The following NHS variants were observed in gnomAD, a reference collection of about 807,000 sequenced individuals.
NHS encodes NHS actin remodeling regulator.
A neutral mutation model predicts 72.5 loss-of-function variants in NHS; 5 were observed. The ratio of observed to expected loss-of-function variants is 0.07; its 90% CI spans 0.04 to 0.14. NHS has a LOEUF of 0.14. NHS is among the 10% of genes least tolerant of loss of function. NHS has a pLI of 1.00. For synonymous variants in NHS, 464 were observed against 547.7 expected (o/e 0.85, Z 2.13); for missense variants, 1,072 against 1,355.7 (o/e 0.79, Z 3.29).
chrX:17,609,478 T>C (rs1392653436), intron 1 of NHS, among the ~76,000 whole-genome samples: 1 of 111,590 alleles, frequency 9.0e-6, no homozygotes, highest in African/African-American at 3.3e-5. Flanking sequence ...GTGGTGGTGG[T>C]GGTTAGGGTA....
At position 17,676,393 on chromosome X, in the gene NHS, G is replaced by A. The variant is rs182228298; in HGVS notation, c.566-11349G>A. On this transcript the variant is annotated intron_variant, in intron 1 of 8. Transcript: ENST00000676302. ...CTCCTTTCTTCTCTATTTTTCCCAT[G>A]GAGAGAGCCTGCTCTCAAGAAACTA... Among the ~76,000 whole-genome samples the A allele has an allele frequency of 3.1e-4, 35 of 111,680 alleles. 1 individual carries two copies. The South Asian group carries it at 8.3e-3, about 26-fold the overall frequency.
At chrX:17,579,007 G>GA (rs769113143) in intron 1 of NHS, among the ~76,000 whole-genome samples, 147 of 111,800 alleles carry the variant, frequency 1.3e-3, no homozygotes, top group Non-Finnish European at 2.1e-3. Context: ...TGTTGTAGTG[G>GA]AAAATCAAGT....
At chrX:17,701,808 A>C (rs1207817098) in intron 3 of NHS, among the ~76,000 whole-genome samples, 1 of 111,188 alleles carries the variant, frequency 9.0e-6, no homozygotes, top group East Asian at 2.8e-4. Context: ...AGAGAGTCTC[A>C]GGTTATGCTC....
intron 1 of NHS, among the ~76,000 whole-genome samples, chrX:17,461,131 A>C (rs140385808): frequency 0.014 from 1,621 of 112,386 alleles, 9 homozygotes; most frequent in Non-Finnish European, 0.02. Flanking sequence ...TATTTGGTAG[A>C]GAAGACTCAG....
At chrX:17,542,689 CAG>C (rs746365760) in intron 1 of NHS, among the ~76,000 whole-genome samples, 407 of 103,609 alleles carry the variant, frequency 3.9e-3, no homozygotes, top group Middle Eastern at 4.8e-3. Context: ...GTCCTGAATC[CAG>C]AGAGAGAGAG....
chrX:17,533,227 C>T (rs972992292), intron 1 of NHS, among the ~76,000 whole-genome samples: 1 of 112,148 alleles, frequency 8.9e-6, no homozygotes, highest in Non-Finnish European at 1.9e-5. Flanking sequence ...GTGTGTGAGT[C>T]TGTGTGCTTA....
chrX:17,394,178 T>C lies in NHS; in HGVS notation c.565+17856T>C, dbSNP rs112051432. ...GACCGAAGGCTGCCTTGTGTTTTGATTGAACGTTTAGTTCACTTTGGGCTT... is the reference window on the plus strand; with the variant it reads ...GACCGAAGGCTGCCTTGTGTTTTGACTGAACGTTTAGTTCACTTTGGGCTT... On this transcript the variant is annotated intron_variant, in intron 1 of 8. Coordinates refer to ENST00000676302, the MANE Select transcript of NHS (RefSeq NM_001291867.2). Among the ~76,000 whole-genome samples, 13 of 111,716 alleles carry C rather than the reference T, an allele frequency of 1.2e-4. 1 individual carries two copies. Among genetic ancestry groups the C allele is most frequent in the Non-Finnish European group, 1.1e-4 (6 of 53,143 alleles).
intron 1 of NHS, among the ~76,000 whole-genome samples, chrX:17,659,988 T>C (rs1800769442): frequency 1.8e-5 from 2 of 112,164 alleles, no homozygotes. Flanking sequence ...AGACTCCTTC[T>C]CCAGCCCTTT....
At chrX:17,383,568 C>T (rs1046071947) in intron 1 of NHS, among the ~76,000 whole-genome samples, 1 of 112,188 alleles carries the variant, frequency 8.9e-6, no homozygotes, top group African/African-American at 3.2e-5. Context: ...AGCACATCTT[C>T]ACATGGTGGC....
chrX:17,595,267 G>C (rs1239702527), intron 1 of NHS, among the ~76,000 whole-genome samples: 1 of 111,506 alleles, frequency 9.0e-6, no homozygotes, highest in Non-Finnish European at 1.9e-5. Context: ...CTTTCCATGA[G>C]ACTGATGGTA....
chrX:17,712,690 A>G (rs2066341901), intron 3 of NHS, among the ~76,000 whole-genome samples: 1 of 109,362 alleles, frequency 9.1e-6, no homozygotes, highest in African/African-American at 3.3e-5. Context: ...TGGGTTTTTC[A>G]TGATTTGTTG....
intron 1 of NHS, among the ~76,000 whole-genome samples, chrX:17,538,247 G>C (rs1326049375): frequency 1.8e-5 from 2 of 112,132 alleles, no homozygotes; most frequent in African/African-American, 3.2e-5. Context: ...ACCTGTAAAA[G>C]TGCACTGCCT....
chrX:17,539,890 C>T (rs1158077916), intron 1 of NHS, among the ~76,000 whole-genome samples: 1 of 112,159 alleles, frequency 8.9e-6, no homozygotes, highest in Non-Finnish European at 1.9e-5. Context: ...GCTCTTGTCA[C>T]CTGCCTCAGC....
At chrX:17,615,090 G>T (rs2065731843) in intron 1 of NHS, among the ~76,000 whole-genome samples, 1 of 95,995 alleles carries the variant, frequency 1.0e-5, no homozygotes, top group African/African-American at 3.8e-5. Context: ...ATATATATGT[G>T]TGTATATATA....
At chrX:17,574,392 C>T (rs1207344116) in intron 1 of NHS, among the ~76,000 whole-genome samples, 1 of 112,116 alleles carries the variant, frequency 8.9e-6, no homozygotes, top group East Asian at 2.8e-4. Context: ...ACCATCTACT[C>T]AAGCCTCAGC....
At chrX:17,630,767 T>C (rs2065820057) in intron 1 of NHS, among the ~76,000 whole-genome samples, 1 of 111,872 alleles carries the variant, frequency 8.9e-6, no homozygotes, top group Non-Finnish European at 1.9e-5. Flanking sequence ...TAGACTTTGC[T>C]TCTGGATAAC....
intron 1 of NHS, among the ~76,000 whole-genome samples, chrX:17,449,296 T>C (rs1230400880): frequency 3.5e-5 from 4 of 113,221 alleles, no homozygotes; most frequent in African/African-American, 6.4e-5. Flanking sequence ...CCTAGAGCTG[T>C]AGTGTTCGTG....
In NHS at chrX:17,691,470, A is replaced by C. The variant is rs969508005; in HGVS notation, c.719-865A>C. Reference sequence around the variant, plus strand: ...GCTTATGGGAGCCAACATTTGTCAGAAGAATCCCAAGCAAAGGGAGATGGG... The same window carrying C: ...GCTTATGGGAGCCAACATTTGTCAGCAGAATCCCAAGCAAAGGGAGATGGG... On this transcript the variant is annotated intron_variant, in intron 2 of 8. Coordinates refer to ENST00000676302, the MANE Select transcript of NHS (RefSeq NM_001291867.2). 2.7e-5 allele frequency among the ~76,000 whole-genome samples: 3 copies of C among 112,060 alleles called. No individual in the cohort carries two copies. The Admixed American group carries it at 2.8e-4, about 11-fold the overall frequency.
intron 1 of NHS, among the ~76,000 whole-genome samples, chrX:17,600,286 C>CAGAGAGAGAG (rs113777136): frequency 2.0e-5 from 2 of 101,338 alleles, no homozygotes; most frequent in African/African-American, 3.6e-5. Flanking sequence ...CAGAGAGAGA[C>CAGAGAGAGAG]AGAGAGAGAG....
Sources: allele counts gnomAD v4.1 joint callset (sites outside exome capture counted in the v4.1 genomes callset), GRCh38; gene constraint gnomAD v4.1.1; transcripts MANE v1.5; gene names NCBI Gene and HGNC (gene_info 2026-07-23, HGNC 2026-07-21).